AUTS2: variants seen among roughly 807,000 people sequenced by gnomAD.
The protein encoded by AUTS2 is activator of transcription and developmental regulator AUTS2, also known as autism susceptibility gene 2 protein.
A neutral mutation model predicts 112.4 loss-of-function variants in AUTS2; 17 were observed. The observed-to-expected ratio is 0.15, with a 90% CI of 0.10 to 0.23. The LOEUF is 0.23. Among genes scored for constraint, AUTS2 ranks in the 10% least tolerant of loss-of-function variants. The probability of loss-of-function intolerance (pLI) is 1.00; values close to 1 mark genes in which losing one functional copy is unlikely to be tolerated. For missense variants in AUTS2, 1,510 were observed against 1,701.6 expected (o/e 0.89, Z 1.98); for synonymous variants, 751 against 702.7 (o/e 1.07, Z -1.09).
chr7:70,767,879 G>A (rs1790037756), intron 9 of AUTS2, 145 bp from the exon 10 acceptor site: 2 of 733,700 alleles, frequency 2.7e-6, no homozygotes, highest in Non-Finnish European at 4.6e-6. Flanking sequence ...GGGAGACTCA[G>A]GAGCTCAGAA....
At chr7:70,060,118 C>A (rs775362661) in intron 2 of AUTS2, among the ~76,000 whole-genome samples, 1 of 152,142 alleles carries the variant, frequency 6.6e-6, no homozygotes, top group African/African-American at 2.4e-5. Context: ...AGCATAAAAC[C>A]ATCCTTTTTG....
chr7:69,870,837 A>G (rs1164620856), intron 1 of AUTS2, among the ~76,000 whole-genome samples: 2 of 152,124 alleles, frequency 1.3e-5, no homozygotes, highest in African/African-American at 2.4e-5. Context: ...TAGCTGTTTA[A>G]TGTTGCTTTA....
chr7:70,732,819 A>G (rs1029827642), intron 6 of AUTS2, among the ~76,000 whole-genome samples: 1 of 152,246 alleles, frequency 6.6e-6, no homozygotes, highest in Non-Finnish European at 1.5e-5. Flanking sequence ...GTACTGAAGT[A>G]CATTATGCAT....
chr7:69,792,395 A>G (rs1007513474), intron 1 of AUTS2, among the ~76,000 whole-genome samples: 1 of 151,582 alleles, frequency 6.6e-6, no homozygotes, highest in Non-Finnish European at 1.5e-5. Context: ...GCCCACCATC[A>G]CGCCCAACTA....
chr7:70,428,125 TCA>T lies in AUTS2; in HGVS notation c.661-7624_661-7623del, dbSNP rs554295956. 8.5e-4 allele frequency among the ~76,000 whole-genome samples: 129 copies of T among 152,322 alleles called. 1 individual carries two copies. The highest frequency in any genetic ancestry group is 6.8e-3 in the Middle Eastern group (2 of 294). ...GAGGGGAAGAGTCGACGACATTATT[TCA>T]CAGTCAGTAAGAATATGGTCTCAGT... On this transcript the variant is annotated intron_variant, in intron 4 of 18. Transcript: ENST00000342771.
chr7:70,659,813 G>A (rs1430970539), intron 5 of AUTS2, among the ~76,000 whole-genome samples: 1 of 152,138 alleles, frequency 6.6e-6, no homozygotes, highest in Non-Finnish European at 1.5e-5. Flanking sequence ...ATGGCCAAGG[G>A]GAAGGGTGGC....
chr7:70,326,745 A>G (rs1172496241), intron 4 of AUTS2, among the ~76,000 whole-genome samples: 1 of 152,162 alleles, frequency 6.6e-6, no homozygotes, highest in African/African-American at 2.4e-5. Context: ...TTCCCTTGAC[A>G]TAAGGTAAAC....
chr7:69,617,230 C>A (rs940916074), intron 1 of AUTS2, among the ~76,000 whole-genome samples: 1 of 152,046 alleles, frequency 6.6e-6, no homozygotes, highest in Non-Finnish European at 1.5e-5. Flanking sequence ...GGAGTTTGCA[C>A]CATCTCCTCA....
At chr7:69,704,164 G>GCT (rs981388520) in intron 1 of AUTS2, among the ~76,000 whole-genome samples, 4 of 152,074 alleles carry the variant, frequency 2.6e-5, no homozygotes, top group African/African-American at 9.7e-5. Context: ...CCCAAACTCT[G>GCT]CTGTTGAACT....
At position 70,540,620 on chromosome 7, in the gene AUTS2, A is replaced by G. The variant is rs967965759; in HGVS notation, c.690+104839A>G. ...TTGGTGGCTCCCCACTTGGGTTTCC[A>G]TCGATTCATGGTATTGGTTTGGGAG... On this transcript the variant is annotated intron_variant, in intron 5 of 18. Transcript: ENST00000342771. Among the ~76,000 whole-genome samples, 11 of 152,228 alleles carry G rather than the reference A, an allele frequency of 7.2e-5. 1 individual carries two copies. The highest frequency in any genetic ancestry group is 6.5e-4 in the Admixed American group (10 of 15,292).
intron 1 of AUTS2, among the ~76,000 whole-genome samples, chr7:69,862,737 C>T (rs970823676): frequency 2.6e-5 from 4 of 152,102 alleles, no homozygotes; most frequent in Non-Finnish European, 5.9e-5. Context: ...TGGAGGCGAG[C>T]TACAACCCAT....
intron 2 of AUTS2, among the ~76,000 whole-genome samples, chr7:70,068,051 AT>A (rs1204560353): frequency 6.6e-6 from 1 of 152,198 alleles, no homozygotes; most frequent in Non-Finnish European, 1.5e-5. Context: ...ATATAATAAT[AT>A]TTGAATTATG....
intron 2 of AUTS2, among the ~76,000 whole-genome samples, chr7:70,027,998 A>G (rs888382532): frequency 6.6e-6 from 1 of 152,122 alleles, no homozygotes; most frequent in Non-Finnish European, 1.5e-5. Flanking sequence ...TTGTGGCTTG[A>G]TCTTGATGAG....
chr7:70,029,483 A>G (rs1168938656), intron 2 of AUTS2, among the ~76,000 whole-genome samples: 1 of 152,122 alleles, frequency 6.6e-6, no homozygotes, highest in Non-Finnish European at 1.5e-5. Flanking sequence ...ACGGAGCTCA[A>G]TAAACATTTG....
At position 69,870,447 on chromosome 7, in the gene AUTS2, TAATA is replaced by T. The variant is rs1562939806; in HGVS notation, c.310-28838_310-28835del. ...ATACATATCTGTGCGTATGTGTGTGTAATATATATATATATATATGTATTCACGT... is the reference window on the plus strand; with the variant it reads ...ATACATATCTGTGCGTATGTGTGTGTTATATATATATATATGTATTCACGT... On this transcript the variant is annotated intron_variant, in intron 1 of 18. Transcript: ENST00000342771. 7.9e-4 allele frequency among the ~76,000 whole-genome samples: 2 copies of T among 2,536 alleles called. 1 individual carries two copies. The highest frequency in any genetic ancestry group is 1.4e-3 in the Non-Finnish European group (2 of 1,468). 1.7% of individuals were successfully genotyped at this position (2,536 alleles called of 152,430 possible).
intron 5 of AUTS2, among the ~76,000 whole-genome samples, chr7:70,673,161 A>C (rs1349090232): frequency 2.6e-5 from 4 of 152,182 alleles, no homozygotes; most frequent in Non-Finnish European, 5.9e-5. Context: ...CGAGTGACCT[A>C]CATGCAGTAG....
At position 69,887,967 on chromosome 7, in the gene AUTS2, C is replaced by T. The variant is rs150187085; in HGVS notation, c.310-11319C>T. Among the ~76,000 whole-genome samples the T allele has an allele frequency of 4.2e-4, 64 of 151,888 alleles. 1 individual carries two copies. Among genetic ancestry groups the T allele is most frequent in the Admixed American group, 3.3e-3 (50 of 15,246 alleles). ...TATAGGGGAATAGAAATGGTTTATC[C>T]GGGATATGGATGTGGTAATGTGTCT... On this transcript the variant is annotated intron_variant, in intron 1 of 18. Transcript: ENST00000342771.
chr7:70,679,805 G>A (rs1402465293), intron 5 of AUTS2, among the ~76,000 whole-genome samples: 1 of 152,254 alleles, frequency 6.6e-6, no homozygotes, highest in Non-Finnish European at 1.5e-5. Flanking sequence ...TCTGATCTGT[G>A]TGGGTTTGGG....
chr7:69,925,175 G>A (rs899343645), intron 2 of AUTS2, among the ~76,000 whole-genome samples: 23 of 151,964 alleles, frequency 1.5e-4, no homozygotes, highest in Middle Eastern at 6.8e-3. Flanking sequence ...TGTCATATCA[G>A]TATGACTGGG....
Sources: allele counts gnomAD v4.1 joint callset (sites outside exome capture counted in the v4.1 genomes callset), GRCh38; gene constraint gnomAD v4.1.1; transcripts MANE v1.5; gene names NCBI Gene and HGNC (gene_info 2026-07-23, HGNC 2026-07-21).